ANKFN1: variants seen among roughly 807,000 people sequenced by gnomAD.
The protein encoded by ANKFN1 is ankyrin repeat and fibronectin type-III domain-containing protein 1.
ANKFN1 carries 74 observed loss-of-function variants against 108.7 expected under a neutral mutation model. That is an observed-to-expected ratio of 0.68 (90% CI 0.56 to 0.83). ANKFN1 has a LOEUF of 0.83. ANKFN1 is among the 40% of genes least tolerant of loss of function. The probability of loss-of-function intolerance (pLI) is 0.00; values close to 1 mark genes in which losing one functional copy is unlikely to be tolerated. For synonymous variants in ANKFN1, 547 were observed against 516.2 expected, an observed-to-expected ratio of 1.06 and a Z score of -0.81; for missense variants, 1,505 against 1,382.3, an observed-to-expected ratio of 1.09 and a Z score of -1.41.
At chr17:56,465,754 A>T (rs2050051401) in intron 14 of ANKFN1, among the ~76,000 whole-genome samples, 1 of 152,200 alleles carries the variant, frequency 6.6e-6, no homozygotes, top group Non-Finnish European at 1.5e-5. Context: ...CAGTTGACCC[A>T]GTTTATAAGC....
At chr17:56,339,048 T>C (rs1453421407) in intron 4 of ANKFN1, among the ~76,000 whole-genome samples, 1 of 152,154 alleles carries the variant, frequency 6.6e-6, no homozygotes, top group Non-Finnish European at 1.5e-5. Context: ...TATTTGTTTA[T>C]ATTTTTCTTA....
chr17:56,409,602 T>G (rs2048027181), intron 8 of ANKFN1, among the ~76,000 whole-genome samples: 1 of 152,182 alleles, frequency 6.6e-6, no homozygotes, highest in African/African-American at 2.4e-5. Context: ...TGCTCTGTGA[T>G]GAAGACAGCC....
chr17:56,193,092 G>T (rs1411607165), intron 1 of ANKFN1, among the ~76,000 whole-genome samples: 2 of 91,252 alleles, frequency 2.2e-5, no homozygotes, highest in Non-Finnish European at 3.9e-5. Flanking sequence ...ATGAGTTCAT[G>T]TCCTTTGTAG....
intron 1 of ANKFN1, among the ~76,000 whole-genome samples, chr17:56,156,035 T>C (rs1009621085): frequency 1.3e-5 from 2 of 152,002 alleles, no homozygotes; most frequent in Non-Finnish European, 2.9e-5. Flanking sequence ...GGGCAAGTTA[T>C]TTAACTTCCC....
intron 3 of ANKFN1, among the ~76,000 whole-genome samples, chr17:56,280,378 G>A (rs867277876): frequency 6.6e-6 from 1 of 152,082 alleles, no homozygotes; most frequent in South Asian, 2.1e-4. Context: ...AAACTGGGAT[G>A]ACCATATTCT....
At chr17:56,350,697 T>A in intron 4 of ANKFN1, 69 bp from the exon 5 acceptor site, 1 of 1,409,568 alleles carries the variant, frequency 7.1e-7, no homozygotes, top group Non-Finnish European at 1.0e-6. Context: ...TGACTGGAGA[T>A]GATAAAATCA....
At chr17:56,399,435 T>C (rs1427742595) in intron 8 of ANKFN1, among the ~76,000 whole-genome samples, 1 of 152,092 alleles carries the variant, frequency 6.6e-6, no homozygotes, top group Admixed American at 6.6e-5. Flanking sequence ...GCTCATTTTT[T>C]TTTTTAATCT....
At chr17:56,079,580 T>C (rs1431800183) in intron 4 of ANKFN1, among the ~76,000 whole-genome samples, 1 of 152,140 alleles carries the variant, frequency 6.6e-6, no homozygotes, top group Non-Finnish European at 1.5e-5. Flanking sequence ...TGAAAGACAC[T>C]GTGAGAATGA....
chr17:56,064,389 G>A (rs2143118213), intron 4 of ANKFN1, among the ~76,000 whole-genome samples: 1 of 152,334 alleles, frequency 6.6e-6, no homozygotes, highest in East Asian at 1.9e-4. Flanking sequence ...TAGGGGCTCA[G>A]GCCCAGGGAC....
chr17:56,109,322 G>A (rs1418881432), intron 4 of ANKFN1, among the ~76,000 whole-genome samples: 2 of 152,082 alleles, frequency 1.3e-5, no homozygotes, highest in Non-Finnish European at 2.9e-5. Flanking sequence ...AGCCTCCATC[G>A]AGACAAATGG....
intron 7 of ANKFN1, 94 bp downstream of exon 7, chr17:56,372,934 ACAGAGT>A: frequency 7.7e-7 from 1 of 1,303,982 alleles, no homozygotes; most frequent in South Asian, 1.4e-5. Context: ...TTTCAGCTCT[ACAGAGT>A]CATGGATGGC....
intron 3 of ANKFN1, among the ~76,000 whole-genome samples, chr17:56,306,078 T>C (rs955119202): frequency 1.2e-4 from 18 of 152,222 alleles, no homozygotes; most frequent in African/African-American, 4.3e-4. Flanking sequence ...ACTCTTGAAA[T>C]TGAGTAACCT....
At chr17:56,387,885 A>G (rs2047320154) in intron 8 of ANKFN1, among the ~76,000 whole-genome samples, 1 of 152,162 alleles carries the variant, frequency 6.6e-6, no homozygotes, top group South Asian at 2.1e-4. Context: ...TAAAGGGTAT[A>G]TAGTTAACTT....
intron 4 of ANKFN1, among the ~76,000 whole-genome samples, chr17:56,141,604 A>G (rs559177930): frequency 1.3e-5 from 2 of 152,232 alleles, no homozygotes; most frequent in South Asian, 2.1e-4. Flanking sequence ...TGAATCACCC[A>G]TATAGTGTTC....
rs539370707 is a variant in ANKFN1, at chr17:56,513,489, G to C, written c.*2220G>C. 6.6e-6 allele frequency among the ~76,000 whole-genome samples: 1 copy of C among 152,160 alleles called. No homozygotes were observed. Among genetic ancestry groups the C allele is most frequent in the Non-Finnish European group, 1.5e-5 (1 of 68,028 alleles). On this transcript the variant is annotated 3_prime_UTR_variant, in exon 21 of 21. Transcript: ENST00000682825. ...TAAAATGGATTACTTTGTTCAATGA[G>C]TTTGTGAGATGAGATTCTAGGATTG...
At chr17:56,307,057 C>T (rs1173704422) in intron 3 of ANKFN1, among the ~76,000 whole-genome samples, 2 of 152,172 alleles carry the variant, frequency 1.3e-5, no homozygotes, top group African/African-American at 4.8e-5. Context: ...CCCTTCCTTA[C>T]ACCTTATACA....
chr17:56,060,572 A>G (rs1904956341), intron 4 of ANKFN1, among the ~76,000 whole-genome samples: 1 of 152,166 alleles, frequency 6.6e-6, no homozygotes, highest in Non-Finnish European at 1.5e-5. Flanking sequence ...TGGGTTTGTC[A>G]TAAATAGCTC....
At chr17:56,499,467 A>G (rs1400184345) in intron 20 of ANKFN1, among the ~76,000 whole-genome samples, 2 of 152,178 alleles carry the variant, frequency 1.3e-5, no homozygotes, top group Non-Finnish European at 2.9e-5. Flanking sequence ...CTAAGGAAAG[A>G]GAACAGGCCC....
intron 4 of ANKFN1, among the ~76,000 whole-genome samples, chr17:56,339,753 C>T (rs1567926617): frequency 6.6e-6 from 1 of 151,942 alleles, no homozygotes; most frequent in Non-Finnish European, 1.5e-5. Context: ...TGTGAATAGT[C>T]CTGCAATGAA....
Sources: gnomAD v4.1 joint callset for allele counts (sites outside exome capture counted in the v4.1 genomes callset) on GRCh38, gnomAD v4.1.1 for gene constraint, MANE v1.5 for transcripts, NCBI Gene and HGNC (gene_info 2026-07-23, HGNC 2026-07-21) for gene names.